PLCL1: variants seen among roughly 807,000 people sequenced by gnomAD.
PLCL1 encodes phospholipase C like 1 (inactive).
Under a neutral mutation model 84.4 loss-of-function variants are expected in PLCL1, and 41 were observed. The ratio of observed to expected loss-of-function variants is 0.49; its 90% confidence interval spans 0.38 to 0.63. The LOEUF (loss-of-function observed/expected upper bound fraction) is 0.63. PLCL1 is among the 30% of genes least tolerant of loss of function. The probability of loss-of-function intolerance (pLI) is 0.00; values close to 1 mark genes in which losing one functional copy is unlikely to be tolerated. For synonymous variants in PLCL1, 490 were observed against 488.3 expected (o/e 1.00, Z -0.05); for missense variants, 1,206 against 1,367.8 (o/e 0.88, Z 1.87).
chr2:197,996,504 C>T (rs1690467937), intron 1 of PLCL1, among the ~76,000 whole-genome samples: 1 of 151,896 alleles, frequency 6.6e-6, no homozygotes, highest in Non-Finnish European at 1.5e-5. Flanking sequence ...CACCAGAATG[C>T]AAGAGGTTAA....
At chr2:198,009,310 GTTTTAAGTCTAAT>G (rs1690810263) in intron 1 of PLCL1, among the ~76,000 whole-genome samples, 1 of 151,910 alleles carries the variant, frequency 6.6e-6, no homozygotes, top group African/African-American at 2.4e-5. Context: ...GAGTTTAACA[GTTTTAAGTCTAAT>G]TTTTAGGTCT....
At chr2:197,918,963 T>TCTCTCC (rs1213736534) in intron 1 of PLCL1, among the ~76,000 whole-genome samples, 30 of 144,926 alleles carry the variant, frequency 2.1e-4, no homozygotes, top group South Asian at 2.2e-4. Flanking sequence ...TCTCTCTCTC[T>TCTCTCC]CTCTCCCTCA....
intron 1 of PLCL1, among the ~76,000 whole-genome samples, chr2:197,833,572 T>C (rs765573923): frequency 6.6e-6 from 1 of 152,166 alleles, no homozygotes; most frequent in Non-Finnish European, 1.5e-5. Flanking sequence ...GAACTCCCAT[T>C]CACAACTGCT....
rs571749816 is a variant in PLCL1 at position 197,828,284 on chromosome 2, T to C, written c.240+22945T>C. On this transcript the variant is annotated intron_variant, in intron 1 of 5. Coordinates refer to ENST00000428675, the MANE Select transcript of PLCL1 (RefSeq NM_006226.4). Reference sequence around the variant, plus strand: ...GTTGTCAAATTGCTTTGAAATAGTATAAATGCCACATAGAAAACTTATATT... The same window carrying C: ...GTTGTCAAATTGCTTTGAAATAGTACAAATGCCACATAGAAAACTTATATT... Among the ~76,000 whole-genome samples, 93 of 152,262 alleles carry C rather than the reference T, an allele frequency of 6.1e-4. 1 individual carries two copies. Among genetic ancestry groups the C allele is most frequent in the African/African-American group, 2.2e-3 (93 of 41,584 alleles).
Position 197,805,861 on chromosome 2 carries a change from C to A in PLCL1, c.240+522C>A, listed in dbSNP as rs1690464098. 6.6e-6 allele frequency among the ~76,000 whole-genome samples: 1 copy of A among 152,212 alleles called. No individual in the cohort carries two copies. Among genetic ancestry groups the A allele is most frequent in the South Asian group, 2.1e-4 (1 of 4,826 alleles). On this transcript the variant is annotated intron_variant, in intron 1 of 5. Transcript: ENST00000428675. This position sits in a 1 kb window ranked among gnomAD's most constrained non-coding sequence, Gnocchi z 4.0. ...GTGGACCCTGCATCACAGTAAAGAG[C>A]AATGCAAGAGCCCAGAGTTTTTGCG...
At chr2:197,814,697 A>G (rs1327910829) in intron 1 of PLCL1, among the ~76,000 whole-genome samples, 1 of 152,166 alleles carries the variant, frequency 6.6e-6, no homozygotes, top group East Asian at 1.9e-4. Flanking sequence ...CAAGTTGTGA[A>G]TGTAAGGAAA....
intron 5 of PLCL1, among the ~76,000 whole-genome samples, chr2:198,108,063 G>A (rs1454563645): frequency 6.6e-6 from 1 of 151,736 alleles, no homozygotes; most frequent in African/African-American, 2.4e-5. Context: ...TTTTCTATAC[G>A]ATTCTTCCTT....
At chr2:197,831,330 C>T (rs1165031163) in intron 1 of PLCL1, among the ~76,000 whole-genome samples, 1 of 151,668 alleles carries the variant, frequency 6.6e-6, no homozygotes, top group African/African-American at 2.4e-5. Flanking sequence ...GAATATTTAC[C>T]AACCAAATGG....
chr2:198,031,913 G>A (rs983617764), intron 1 of PLCL1, among the ~76,000 whole-genome samples: 13 of 152,020 alleles, frequency 8.6e-5, no homozygotes, highest in Non-Finnish European at 1.6e-4. Context: ...AAAATAATTT[G>A]AGAGCACAAA....
intron 1 of PLCL1, among the ~76,000 whole-genome samples, chr2:198,074,745 T>G (rs1056735955): frequency 3.0e-4 from 46 of 152,356 alleles, no homozygotes; most frequent in African/African-American, 1.1e-3. Flanking sequence ...GGAAATTTTG[T>G]CAGGAATGTT....
At chr2:197,911,085 A>G (rs1176281044) in intron 1 of PLCL1, among the ~76,000 whole-genome samples, 12 of 152,164 alleles carry the variant, frequency 7.9e-5, no homozygotes, top group Admixed American at 7.9e-4. Context: ...TCATCTTTTA[A>G]TAATACTTTA....
Position 198,104,997 on chromosome 2 carries a change from C to T in PLCL1, c.3105+1061C>T, listed in dbSNP as rs556183007. Among the ~76,000 whole-genome samples the T allele has an allele frequency of 2.6e-5, 4 of 152,088 alleles. No homozygotes were observed. The South Asian group carries it at 8.3e-4, about 32-fold the overall frequency. ...TGTCTGTTTGCTGTCTTGATAGTTT[C>T]TTTTGCTGTGCAGAAGTTCTTTAAT... On this transcript the variant is annotated intron_variant, in intron 5 of 5. Transcript: ENST00000428675.
At chr2:198,021,765 CA>C (rs912680931) in intron 1 of PLCL1, among the ~76,000 whole-genome samples, 121 of 151,622 alleles carry the variant, frequency 8.0e-4, no homozygotes, top group Non-Finnish European at 1.4e-3. Context: ...GCCTACCAAC[CA>C]AAAAAAAGAC....
chr2:197,875,749 T>C (rs1353816453), intron 1 of PLCL1, among the ~76,000 whole-genome samples: 13 of 152,044 alleles, frequency 8.6e-5, no homozygotes, highest in African/African-American at 2.9e-4. Flanking sequence ...ACCGTAGAAC[T>C]GCTACCATTT....
intron 1 of PLCL1, among the ~76,000 whole-genome samples, chr2:197,986,371 G>A (rs1367881003): frequency 6.6e-6 from 1 of 152,054 alleles, no homozygotes; most frequent in Non-Finnish European, 1.5e-5. Flanking sequence ...TATTATTTTA[G>A]AGCAGGGTCT....
chr2:197,933,244 T>C (rs2105767218), intron 1 of PLCL1, among the ~76,000 whole-genome samples: 2 of 151,606 alleles, frequency 1.3e-5, no homozygotes, highest in South Asian at 2.1e-4. Context: ...ATGTTTGTGT[T>C]GTTTCTTTTT....
chr2:197,997,721 C>A (rs77887274), intron 1 of PLCL1, among the ~76,000 whole-genome samples: 4 of 152,154 alleles, frequency 2.6e-5, no homozygotes, highest in South Asian at 4.1e-4. Flanking sequence ...CCAATCATGA[C>A]CTTTATCTTC....
chr2:197,853,090 G>T (rs1687269976), intron 1 of PLCL1, among the ~76,000 whole-genome samples: 1 of 152,022 alleles, frequency 6.6e-6, no homozygotes, highest in Non-Finnish European at 1.5e-5. Flanking sequence ...ACTCTTTTAT[G>T]TACCTCATAT....
chr2:197,829,070 C>T (rs1417083448), intron 1 of PLCL1, among the ~76,000 whole-genome samples: 2 of 152,128 alleles, frequency 1.3e-5, no homozygotes, highest in Non-Finnish European at 2.9e-5. Context: ...GTCAAATTTG[C>T]ATTCCAGATA....
Sources: gnomAD v4.1 joint callset for allele counts (sites outside exome capture counted in the v4.1 genomes callset) on GRCh38, gnomAD v4.1.1 for gene constraint, Gnocchi (gnomAD v3.1) non-coding constraint, MANE v1.5 for transcripts, NCBI Gene and HGNC (gene_info 2026-07-23, HGNC 2026-07-21) for gene names.